Variants in CC2D2A observed in about 807,000 individuals in gnomAD.
CC2D2A encodes the protein coiled-coil and C2 domain-containing protein 2A.
Under a neutral mutation model 212.9 loss-of-function variants are expected in CC2D2A, and 155 were observed. That is an observed-to-expected ratio of 0.73 (90% CI 0.64 to 0.83). The LOEUF is 0.83. CC2D2A is among the 40% of genes least tolerant of loss of function. The probability of loss-of-function intolerance (pLI) is 0.00; values close to 1 mark genes in which losing one functional copy is unlikely to be tolerated. For synonymous variants in CC2D2A, 667 were observed against 686.5 expected (o/e 0.97, Z 0.44); for missense variants, 1,856 against 1,956.2 (o/e 0.95, Z 0.97).
intron 30 of CC2D2A, among the ~76,000 whole-genome samples, chr4:15,581,482 A>G (rs1720663069): frequency 6.6e-6 from 1 of 152,236 alleles, no homozygotes; most frequent in South Asian, 2.1e-4. Context: ...TAATGACTAT[A>G]GCTGGGTTTC....
intron 6 of CC2D2A, among the ~76,000 whole-genome samples, chr4:15,505,924 T>A (rs112077927): frequency 6.6e-6 from 1 of 152,182 alleles, no homozygotes; most frequent in South Asian, 2.1e-4. Context: ...GTTTAGATTA[T>A]GGTTTAAAGA....
intron 11 of CC2D2A, among the ~76,000 whole-genome samples, chr4:15,523,977 C>T (rs527514920): frequency 2.6e-5 from 4 of 152,194 alleles, no homozygotes; most frequent in East Asian, 3.9e-4. Flanking sequence ...TTCCAGAAGA[C>T]GGGAAAGGAG....
intron 29 of CC2D2A, among the ~76,000 whole-genome samples, chr4:15,577,607 G>A (rs1239877124): frequency 6.6e-6 from 1 of 152,140 alleles, no homozygotes; most frequent in Admixed American, 6.5e-5. Context: ...TGTATGCTAG[G>A]TGTACATAAG....
chr4:15,502,969 A>T, intron 6 of CC2D2A, 46 bp downstream of exon 6: 1 of 1,458,160 alleles, frequency 6.9e-7, no homozygotes. Flanking sequence ...AGTAAAGCAG[A>T]ATATAAAGTT....
Position 15,540,907 on chromosome 4 carries a change from G to GAGGT in CC2D2A, c.2075_2078dup (p.Ser694GlyfsTer38). The GAGGT allele has an allele frequency of 1.3e-6, 2 of 1,587,708 alleles. No homozygotes were observed. Among genetic ancestry groups the GAGGT allele is most frequent in the Non-Finnish European group, 8.6e-7 (1 of 1,166,750 alleles). On this transcript the variant is annotated frameshift_variant, in exon 17 of 37. Coordinates refer to ENST00000424120, the MANE Select transcript of CC2D2A (RefSeq NM_001378615.1). LOFTEE classifies it high-confidence loss of function. The stretch of plus-strand genomic sequence containing the variant: ...CTTAAAAGTGCTGTTCAACAACAAG[G>GAGGT]AGGTGTCCAGGACAGTCAGTCGGCC...
At chr4:15,574,922 G>C (rs6449147) in intron 29 of CC2D2A, among the ~76,000 whole-genome samples, 84,151 of 152,042 alleles carry the variant, frequency 0.55, 23,526 homozygotes, top group Admixed American at 0.66. Context: ...TTTATGCCTA[G>C]TGTTCCATTA....
intron 6 of CC2D2A, 96 bp downstream of exon 6, chr4:15,503,019 G>C (rs1716050932): frequency 7.3e-6 from 6 of 819,970 alleles, no homozygotes; most frequent in Non-Finnish European, 1.1e-5. Flanking sequence ...GCACAGAGGA[G>C]GTATTAAATG....
chr4:15,577,082 C>T (rs1720447753), intron 29 of CC2D2A, among the ~76,000 whole-genome samples: 1 of 152,202 alleles, frequency 6.6e-6, no homozygotes, highest in Non-Finnish European at 1.5e-5. Context: ...CAGCCTCGAC[C>T]TCTTCAGCCC....
intron 30 of CC2D2A, among the ~76,000 whole-genome samples, chr4:15,582,447 C>A (rs1020866189): frequency 6.6e-6 from 1 of 151,786 alleles, no homozygotes; most frequent in Non-Finnish European, 1.5e-5. Context: ...TAAACAAAAT[C>A]AACAAACCTT....
At chr4:15,555,356 T>TG in intron 20 of CC2D2A, 146 bp downstream of exon 20, 1 of 1,018,618 alleles carries the variant, frequency 9.8e-7, no homozygotes. Flanking sequence ...GCTTCTTGCC[T>TG]GGCTATGGGA....
intron 17 of CC2D2A, among the ~76,000 whole-genome samples, chr4:15,548,289 C>T (rs1718814852): frequency 6.6e-6 from 1 of 152,096 alleles, no homozygotes; most frequent in Non-Finnish European, 1.5e-5. Flanking sequence ...TTCAGTTCCT[C>T]TCTAGGCACC....
intron 29 of CC2D2A, 54 bp from the exon 30 acceptor site, chr4:15,579,914 G>GT (rs1560192479): frequency 1.4e-6 from 2 of 1,415,818 alleles, no homozygotes; most frequent in Non-Finnish European, 2.0e-6. Flanking sequence ...ATCTGAACAC[G>GT]TACTTTCTCT....
chr4:15,484,899 A>T (rs926122016), intron 4 of CC2D2A, among the ~76,000 whole-genome samples: 5 of 152,004 alleles, frequency 3.3e-5, no homozygotes, highest in African/African-American at 1.2e-4. Flanking sequence ...TTGATCTTTT[A>T]TCTAGAATGT....
At chr4:15,533,431 A>G (rs1259476660) in intron 14 of CC2D2A, 98 bp downstream of exon 14, 5 of 877,386 alleles carry the variant, frequency 5.7e-6, no homozygotes, top group Non-Finnish European at 8.3e-6. Flanking sequence ...ACAAACAAAT[A>G]TGCATGTAAC....
rs1271825377 is a variant in CC2D2A at position 15,574,318 on chromosome 4, C to T, written c.3763C>T (p.Arg1255Ter). 14 of 1,546,860 alleles carry T rather than the reference C, an allele frequency of 9.1e-6. No individual in the cohort carries two copies. Among genetic ancestry groups the T allele is most frequent in the South Asian group, 1.2e-5 (1 of 83,018 alleles). The change falls in exon 29 of 37, where the codon CGA (arginine) becomes TGA (stop). Residue 1255 changes from arginine (R) to a stop codon, truncating the protein, a stop_gained. Coordinates refer to ENST00000424120, the MANE Select transcript of CC2D2A (RefSeq NM_001378615.1). LOFTEE classifies it high-confidence loss of function. ...EPQLVPGESI[R>*]EKFESQEDEK... ...CCAGCTGGTTCCTGGAGAGTCCATT[C>T]GAGAAAAGGTAACTACTTATAGTTT... is the stretch of plus-strand genomic sequence containing the variant.
chr4:15,480,624 T>G, intron 3 of CC2D2A, 80 bp from the exon 4 acceptor site: 1 of 1,492,056 alleles, frequency 6.7e-7, no homozygotes, highest in East Asian at 2.5e-5. Context: ...GTCCCCTCAC[T>G]GGTGACCCAT....
chr4:15,490,343 C>T (rs1715227810), intron 4 of CC2D2A, among the ~76,000 whole-genome samples: 2 of 152,188 alleles, frequency 1.3e-5, no homozygotes, highest in East Asian at 1.9e-4. Flanking sequence ...TGTTTTCTAT[C>T]CCTGTAAGTG....
chr4:15,474,899 G>A (rs1372456374), intron 1 of CC2D2A, among the ~76,000 whole-genome samples: 1 of 152,194 alleles, frequency 6.6e-6, no homozygotes, highest in African/African-American at 2.4e-5. Flanking sequence ...AAACAAACTG[G>A]AAAGAGAGGG....
At chr4:15,601,035 C>A (rs940946977) in intron 36 of CC2D2A, among the ~76,000 whole-genome samples, 2 of 152,038 alleles carry the variant, frequency 1.3e-5, no homozygotes, top group African/African-American at 4.8e-5. Context: ...TAACAGGTGG[C>A]TTATACACCT....
Sources: gnomAD v4.1 joint callset for allele counts (sites outside exome capture counted in the v4.1 genomes callset) on GRCh38, gnomAD v4.1.1 for gene constraint, MANE v1.5 for transcripts, NCBI Gene and HGNC (gene_info 2026-07-23, HGNC 2026-07-21) for gene names.